ACTR3: variants seen among roughly 807,000 people sequenced by gnomAD.
ACTR3 encodes the protein actin related protein 3, also known as actin-related protein 3.
ACTR3 carries 12 observed loss-of-function variants against 56.8 expected under a neutral mutation model. The observed-to-expected ratio is 0.21, with a 90% CI of 0.14 to 0.34. The LOEUF (loss-of-function observed/expected upper bound fraction) is 0.34. ACTR3 is among the 10% of genes least tolerant of loss of function. ACTR3 has a pLI of 1.00. For missense variants in ACTR3, 282 were observed against 512.5 expected, an observed-to-expected ratio of 0.55 and a Z score of 4.34; for synonymous variants, 162 against 167.4, an observed-to-expected ratio of 0.97 and a Z score of 0.25.
At position 113,951,711 on chromosome 2, in the gene ACTR3, C is replaced by G. The variant is rs1680124064; in HGVS notation, c.952-9C>G. 7 of 1,576,294 alleles carry G rather than the reference C, an allele frequency of 4.4e-6. No individual in the cohort carries two copies. The South Asian group carries it at 8.3e-5, about 19-fold the overall frequency. On this transcript the variant is annotated splice_polypyrimidine_tract_variant and intron_variant, in intron 9 of 11. Coordinates refer to ENST00000263238, the MANE Select transcript of ACTR3 (RefSeq NM_005721.5). ...TTTTTAAATATTATATTTATTTTCT[C>G]TCCACTAGAATATTGTCCTCTCTGG... is the stretch of plus-strand genomic sequence containing the variant.
At chr2:113,911,973 C>T (rs1436624967) in intron 1 of ACTR3, among the ~76,000 whole-genome samples, 3 of 152,022 alleles carry the variant, frequency 2.0e-5, no homozygotes, top group Non-Finnish European at 2.9e-5. Context: ...CTGTCCTGGT[C>T]CCGTAATCCA....
At chr2:113,935,607 G>A (rs1679811422) in intron 6 of ACTR3, among the ~76,000 whole-genome samples, 1 of 152,108 alleles carries the variant, frequency 6.6e-6, no homozygotes, top group Admixed American at 6.5e-5. Context: ...CCTTTGGGAG[G>A]ATTTTAGTAA....
rs77650889 is a variant in ACTR3, at chr2:113,941,946, C to T, written c.685-240C>T. Among the ~76,000 whole-genome samples, 396 of 152,234 alleles carry T rather than the reference C, an allele frequency of 2.6e-3. 1 individual carries two copies. Among genetic ancestry groups the T allele is most frequent in the Non-Finnish European group, 4.1e-3 (280 of 67,964 alleles). On this transcript the variant is annotated intron_variant, in intron 7 of 11. Transcript: ENST00000263238. ...ATTGAAATAGTAGAAGTCAGCTCTC[C>T]AGTCTCTCAAATACTGTTTATATTT...
At chr2:113,922,374 A>C (rs1487839830) in intron 3 of ACTR3, among the ~76,000 whole-genome samples, 2 of 152,252 alleles carry the variant, frequency 1.3e-5, no homozygotes, top group African/African-American at 4.8e-5. Flanking sequence ...AATATCTTAC[A>C]TTATAATGGA....
intron 4 of ACTR3, among the ~76,000 whole-genome samples, chr2:113,930,957 T>TA (rs1045004967): frequency 6.6e-6 from 1 of 152,156 alleles, no homozygotes; most frequent in Non-Finnish European, 1.5e-5. Context: ...GGTTTGTCAT[T>TA]ACCATATTTA....
At chr2:113,952,788 C>T (rs1680143174) in intron 10 of ACTR3, 2 of 152,256 alleles carry the variant, frequency 1.3e-5, no homozygotes, top group South Asian at 4.1e-4. Flanking sequence ...GAAGTCTACT[C>T]AATAGACTTT....
chr2:113,891,615 C>CT lies in ACTR3; in HGVS notation c.44+1302dup, dbSNP rs759673666. On this transcript the variant is annotated intron_variant, in intron 1 of 11. Coordinates refer to ENST00000263238, the MANE Select transcript of ACTR3 (RefSeq NM_005721.5). ...AGTCAGTAAGAGGTGGACTGTCAGG[C>CT]TTTTTTTTTTATTATTAATTATAAT... is the stretch of plus-strand genomic sequence containing the variant. Among the ~76,000 whole-genome samples, 1,307 of 144,758 alleles carry CT rather than the reference C, an allele frequency of 9.0e-3. 8 individuals are homozygous for CT. Among genetic ancestry groups the CT allele is most frequent in the Middle Eastern group, 0.021 (6 of 282 alleles). 95.0% of individuals were successfully genotyped at this position (144,758 alleles called of 152,430 possible). A position where few individuals can be genotyped will look rare whatever the true frequency, so the allele number is the denominator to read the frequency against.
At chr2:113,890,639 C>A (rs936035448) in intron 1 of ACTR3, 1 of 1,266,900 alleles carries the variant, frequency 7.9e-7, no homozygotes. Context: ...TGGGGACGGT[C>A]GTCTTGGGGG....
At chr2:113,927,277 T>G in intron 3 of ACTR3, 68 bp from the exon 4 acceptor site, 2 of 1,080,200 alleles carry the variant, frequency 1.9e-6, no homozygotes, top group South Asian at 1.9e-5. Flanking sequence ...GATATTTCCT[T>G]TTTTGTATTT....
At chr2:113,906,287 CT>C (rs559986807) in intron 1 of ACTR3, among the ~76,000 whole-genome samples, 1 of 151,932 alleles carries the variant, frequency 6.6e-6, no homozygotes, top group Non-Finnish European at 1.5e-5. Context: ...TGTATATTTT[CT>C]TTGGAGAAAT....
At chr2:113,890,470 C>T (rs1417925033) in intron 1 of ACTR3, 147 bp downstream of exon 1, 81 of 1,291,316 alleles carry the variant, frequency 6.3e-5, no homozygotes, top group Non-Finnish European at 7.3e-5. Context: ...GGGGTGGGGC[C>T]CGCAGCCAGG....
intron 1 of ACTR3, among the ~76,000 whole-genome samples, chr2:113,895,862 G>GT (rs112866976): frequency 1.4e-4 from 21 of 151,910 alleles, no homozygotes; most frequent in African/African-American, 3.9e-4. Flanking sequence ...TACCTTATAG[G>GT]TTTTTTTTGT....
At chr2:113,940,329 T>G (rs945792594) in intron 7 of ACTR3, among the ~76,000 whole-genome samples, 1 of 152,198 alleles carries the variant, frequency 6.6e-6, no homozygotes, top group Non-Finnish European at 1.5e-5. Flanking sequence ...AGGAGTAATA[T>G]AAGAACATTT....
chr2:113,899,773 A>G (rs1439273670), intron 1 of ACTR3, among the ~76,000 whole-genome samples: 1 of 152,182 alleles, frequency 6.6e-6, no homozygotes, highest in Non-Finnish European at 1.5e-5. Context: ...CCTGCATGAT[A>G]TTTAATAATG....
chr2:113,958,319 T>G lies in ACTR3; in HGVS notation c.*864T>G, dbSNP rs1437640842. ...ACTAATAAATCTATTTTCTTCAGAC[T>G]TCTGCAATAGTTCTTTAAAATCACA... On this transcript the variant is annotated 3_prime_UTR_variant, in exon 12 of 12. Coordinates refer to ENST00000263238, the MANE Select transcript of ACTR3 (RefSeq NM_005721.5). The G allele has an allele frequency of 6.6e-6, 1 of 152,588 alleles. No homozygotes were observed. Among genetic ancestry groups the G allele is most frequent in the Non-Finnish European group, 1.5e-5 (1 of 67,976 alleles). The allele number at this position is 152,588 out of a possible 1,614,324, so 9.5% of individuals were successfully genotyped here.
At chr2:113,907,912 TGTG>T (rs1282726387) in intron 1 of ACTR3, among the ~76,000 whole-genome samples, 3 of 145,336 alleles carry the variant, frequency 2.1e-5, no homozygotes, top group African/African-American at 7.7e-5. Context: ...GTGCAGAGGT[TGTG>T]GTGAGCCGAG....
At chr2:113,935,249 GT>G (rs1679806208) in intron 6 of ACTR3, among the ~76,000 whole-genome samples, 1 of 152,038 alleles carries the variant, frequency 6.6e-6, no homozygotes, top group Non-Finnish European at 1.5e-5. Context: ...TCTTTAGAGT[GT>G]ACAGTTCATT....
intron 1 of ACTR3, among the ~76,000 whole-genome samples, chr2:113,893,229 T>G (rs1268179929): frequency 1.3e-5 from 2 of 152,084 alleles, no homozygotes; most frequent in African/African-American, 4.8e-5. Flanking sequence ...TCCTAAGGTT[T>G]TTTTTTTTCT....
At chr2:113,945,817 C>A (rs1028424049) in intron 8 of ACTR3, among the ~76,000 whole-genome samples, 1 of 152,110 alleles carries the variant, frequency 6.6e-6, no homozygotes, top group African/African-American at 2.4e-5. Flanking sequence ...CCGATAGGCC[C>A]CAGTGTCTGT....
Sources: allele counts gnomAD v4.1 joint callset (sites outside exome capture counted in the v4.1 genomes callset), GRCh38; gene constraint gnomAD v4.1.1; transcripts MANE v1.5; gene names NCBI Gene and HGNC (gene_info 2026-07-23, HGNC 2026-07-21).